RBFOX3: variants seen among roughly 807,000 people sequenced by gnomAD.
RBFOX3 encodes the protein RNA binding fox-1 homolog 3, also known as RNA binding protein fox-1 homolog 3.
In RBFOX3, 17 loss-of-function variants were observed where a neutral mutation model predicts 48.7. The observed-to-expected ratio is 0.35, with a 90% CI of 0.24 to 0.52. The LOEUF (loss-of-function observed/expected upper bound fraction) is 0.52, where lower values mean the gene tolerates loss of function less well. RBFOX3 is among the 20% of genes least tolerant of loss of function. The pLI, the probability that RBFOX3 is intolerant of heterozygous loss-of-function variation, is 0.94. For missense variants in RBFOX3, 382 were observed against 497.5 expected (o/e 0.77, Z 2.21); for synonymous variants, 212 against 209.5 (o/e 1.01, Z -0.10).
At position 79,135,599 on chromosome 17, in the gene RBFOX3, G is replaced by T. The variant is rs188967578; in HGVS notation, c.-33-19851C>A. 7.2e-5 allele frequency among the ~76,000 whole-genome samples: 11 copies of T among 152,282 alleles called. No individual in the cohort carries two copies. In the East Asian group the frequency reaches 2.1e-3, roughly 29 times the overall value. On this transcript the variant is annotated intron_variant, in intron 4 of 14. Coordinates refer to ENST00000693108, the MANE Select transcript of RBFOX3 (RefSeq NM_001350451.2). ...ACCTTCCTTCCAGGTGCTCCCCAGC[G>T]CAGTGGGGGCATCGGGGGAGGGATT... is the stretch of plus-strand genomic sequence containing the variant.
intron 3 of RBFOX3, among the ~76,000 whole-genome samples, chr17:79,251,066 G>C (rs2063876838): frequency 6.6e-6 from 1 of 152,060 alleles, no homozygotes; most frequent in Admixed American, 6.6e-5. Flanking sequence ...GCCTCCCAAA[G>C]TGCTGGAATT....
At chr17:79,394,780 G>T (rs2061784865) in intron 2 of RBFOX3, among the ~76,000 whole-genome samples, 1 of 152,196 alleles carries the variant, frequency 6.6e-6, no homozygotes, top group African/African-American at 2.4e-5. Context: ...ACTACCCCAG[G>T]CTCATTGGAG....
At chr17:79,526,987 T>A (rs1272901448) in intron 1 of RBFOX3, among the ~76,000 whole-genome samples, 1 of 152,222 alleles carries the variant, frequency 6.6e-6, no homozygotes, top group African/African-American at 2.4e-5. Context: ...ACAAGTCACC[T>A]GTCAGCCCCA....
chr17:79,152,493 A>G (rs1430164037), intron 4 of RBFOX3, among the ~76,000 whole-genome samples: 1 of 152,048 alleles, frequency 6.6e-6, no homozygotes. Context: ...GCCGGGGGTC[A>G]CCCCGAACTT....
chr17:79,315,627 A>G (rs904553266), intron 2 of RBFOX3, among the ~76,000 whole-genome samples: 2 of 152,208 alleles, frequency 1.3e-5, no homozygotes, highest in African/African-American at 2.4e-5. Flanking sequence ...ACAAGCTCAT[A>G]AAAGCCACGT....
At chr17:79,247,885 G>T (rs935503113) in intron 3 of RBFOX3, among the ~76,000 whole-genome samples, 1 of 152,196 alleles carries the variant, frequency 6.6e-6, no homozygotes, top group Admixed American at 6.5e-5. Context: ...TAAAAGCGGG[G>T]GTGACAGTAG....
At chr17:79,548,107 T>C (rs1346382848) in intron 1 of RBFOX3, among the ~76,000 whole-genome samples, 1 of 152,242 alleles carries the variant, frequency 6.6e-6, no homozygotes, top group African/African-American at 2.4e-5. Context: ...AGGTCTAGTG[T>C]CTTCTACCTG....
At chr17:79,279,523 A>T (rs1439255560) in intron 3 of RBFOX3, among the ~76,000 whole-genome samples, 4 of 152,188 alleles carry the variant, frequency 2.6e-5, no homozygotes, top group Non-Finnish European at 5.9e-5. Flanking sequence ...CACGTGGCAG[A>T]TGCTGGGTGA....
At chr17:79,263,556 G>C (rs1298451572) in intron 3 of RBFOX3, among the ~76,000 whole-genome samples, 3 of 152,192 alleles carry the variant, frequency 2.0e-5, no homozygotes, top group Non-Finnish European at 4.4e-5. Flanking sequence ...AGGCAGGAAG[G>C]CAGAGGCTGC....
In RBFOX3 at chr17:79,243,337, T is replaced by C. The variant is rs953084750; in HGVS notation, c.-73-7532A>G. 1.3e-5 allele frequency among the ~76,000 whole-genome samples: 2 copies of C among 152,070 alleles called. No individual in the cohort carries two copies. Among genetic ancestry groups the C allele is most frequent in the African/African-American group, 4.8e-5 (2 of 41,400 alleles). On this transcript the variant is annotated intron_variant, in intron 3 of 14. Coordinates refer to ENST00000693108, the MANE Select transcript of RBFOX3 (RefSeq NM_001350451.2). The surrounding 1 kb of genome is among the most constrained non-coding windows in gnomAD (Gnocchi z 7.9). ...GGCCCCAGGAGAAAACCCACTGTAC[T>C]CCTTTTGCTCATTGCCGGGTCTAAC...
chr17:79,557,644 TGAA>T (rs1277744411), intron 1 of RBFOX3, among the ~76,000 whole-genome samples: 62 of 152,200 alleles, frequency 4.1e-4, no homozygotes, highest in Non-Finnish European at 1.0e-4. Context: ...GAAACGAGTC[TGAA>T]GAAATGTTCT....
At chr17:79,110,996 A>G (rs887965032) in intron 5 of RBFOX3, among the ~76,000 whole-genome samples, 5 of 152,210 alleles carry the variant, frequency 3.3e-5, no homozygotes, top group Non-Finnish European at 7.3e-5. Context: ...CACAGTGACC[A>G]AGGGCTGCAG....
At chr17:79,225,866 T>A (rs1017456593) in intron 4 of RBFOX3, among the ~76,000 whole-genome samples, 1 of 151,062 alleles carries the variant, frequency 6.6e-6, no homozygotes, top group Non-Finnish European at 1.5e-5. Flanking sequence ...TACCCCGTAC[T>A]GGGGAGGAGA....
chr17:79,271,831 G>A lies in RBFOX3; in HGVS notation c.-74+35893C>T, dbSNP rs78841370. Among the ~76,000 whole-genome samples, 1,445 of 152,340 alleles carry A rather than the reference G, an allele frequency of 9.5e-3. 24 individuals are homozygous for A. The highest frequency in any genetic ancestry group is 0.033 in the African/African-American group (1,373 of 41,580). ...GATCCTACTCCCAGGACACCATGAG[G>A]AGAGTCAGGACCTAGAGGCACAGGA... On this transcript the variant is annotated intron_variant, in intron 3 of 14. Transcript: ENST00000693108.
At chr17:79,625,769 G>C in the RBFOX3 span, among the ~76,000 whole-genome samples, 2 of 152,238 alleles carry the variant, frequency 1.3e-5, no homozygotes, top group Non-Finnish European at 2.9e-5. Flanking sequence ...TCCAGCCTGA[G>C]CAACAAGAGC....
chr17:79,557,705 T>G (rs1328325773), intron 1 of RBFOX3, among the ~76,000 whole-genome samples: 3 of 152,140 alleles, frequency 2.0e-5, no homozygotes, highest in Non-Finnish European at 4.4e-5. Flanking sequence ...AGGCACAGGC[T>G]GAGGGAGGCT....
At chr17:79,197,110 C>T (rs144270309) in intron 4 of RBFOX3, among the ~76,000 whole-genome samples, 1 of 152,202 alleles carries the variant, frequency 6.6e-6, no homozygotes, top group East Asian at 1.9e-4. Context: ...GGTGGCTGGG[C>T]ACGCGTGGGT....
chr17:79,594,869 C>T (rs2093526829), intron 1 of RBFOX3, among the ~76,000 whole-genome samples: 1 of 152,152 alleles, frequency 6.6e-6, no homozygotes, highest in Non-Finnish European at 1.5e-5. Flanking sequence ...CCGGAAGCCA[C>T]CCTCAGAAGC....
At chr17:79,155,576 G>A (rs1599714873) in intron 4 of RBFOX3, among the ~76,000 whole-genome samples, 1 of 152,216 alleles carries the variant, frequency 6.6e-6, no homozygotes, top group Non-Finnish European at 1.5e-5. Context: ...GCAGCCCGGA[G>A]GGCCACAGCT....
Sources: gnomAD v4.1 joint callset for allele counts (sites outside exome capture counted in the v4.1 genomes callset) on GRCh38, gnomAD v4.1.1 for gene constraint, Gnocchi (gnomAD v3.1) non-coding constraint, MANE v1.5 for transcripts, NCBI Gene and HGNC (gene_info 2026-07-23, HGNC 2026-07-21) for gene names.